FBXO8: variants seen among roughly 807,000 people sequenced by gnomAD.
The protein encoded by FBXO8 is F-box only protein 8.
In FBXO8, 15 loss-of-function variants were observed where a neutral mutation model predicts 33.4. The observed-to-expected ratio is 0.45, with a 90% confidence interval of 0.30 to 0.69. The LOEUF (loss-of-function observed/expected upper bound fraction) is 0.69, where lower values mean the gene tolerates loss of function less well. Ranked by LOEUF, FBXO8 falls within the 30% of genes least tolerant of loss-of-function variation. The pLI, the probability that FBXO8 is intolerant of heterozygous loss-of-function variation, is 0.08. For synonymous variants in FBXO8, 132 were observed against 131.5 expected (o/e 1.00, Z -0.02); for missense variants, 274 against 380.3 (o/e 0.72, Z 2.32).
At chr4:174,243,390 G>T (rs915133386) in intron 3 of FBXO8, among the ~76,000 whole-genome samples, 1 of 150,946 alleles carries the variant, frequency 6.6e-6, no homozygotes, top group Admixed American at 6.6e-5. Context: ...ACTTTAGAAG[G>T]GCTACCAAAG....
rs566493322 is a variant in FBXO8, at chr4:174,240,199, CTAGG to C, written c.575+897_575+900del. ...GAAAGAAAAAAACCCCTGCCTATCCCTAGGTACTTGGCACTTAAAGACAAAAAAA... is the reference window on the plus strand; with the variant it reads ...GAAAGAAAAAAACCCCTGCCTATCCCTACTTGGCACTTAAAGACAAAAAAA... On this transcript the variant is annotated intron_variant, in intron 4 of 5. Transcript: ENST00000393674. Among the ~76,000 whole-genome samples, 535 of 150,930 alleles carry C rather than the reference CTAGG, an allele frequency of 3.5e-3. 2 individuals are homozygous for C. Among genetic ancestry groups the C allele is most frequent in the Middle Eastern group, 0.014 (4 of 292 alleles).
intron 1 of FBXO8, among the ~76,000 whole-genome samples, chr4:174,268,563 A>C (rs1017827369): frequency 6.6e-6 from 1 of 151,900 alleles, no homozygotes; most frequent in Non-Finnish European, 1.5e-5. Context: ...CAGCCTCCAG[A>C]GTGCTGGGAC....
At position 174,236,767 on chromosome 4, in the gene FBXO8, C is replaced by A. The variant is rs989194642; in HGVS notation, c.*645G>T. On this transcript the variant is annotated 3_prime_UTR_variant, in exon 6 of 6. Transcript: ENST00000393674. ...AAAGGACTTACCGAGACTTGATTAACCCAGTTTTTAAAATAAAAAATCAAA... is the reference window on the plus strand; with the variant it reads ...AAAGGACTTACCGAGACTTGATTAAACCAGTTTTTAAAATAAAAAATCAAA... 1.3e-5 allele frequency: 2 copies of A among 151,684 alleles called. No homozygotes were observed. Among genetic ancestry groups the A allele is most frequent in the Admixed American group, 6.6e-5 (1 of 15,246 alleles). 9.4% of individuals were successfully genotyped at this position (151,684 alleles called of 1,614,324 possible).
Position 174,247,175 on chromosome 4 carries a change from G to C in FBXO8, c.457-5957C>G, listed in dbSNP as rs150086320. ...ACTGATAATTGGTACTGAAAGTACT[G>C]TCTACTGCCACAGACACCTGGCACA... On this transcript the variant is annotated intron_variant, in intron 3 of 5. Transcript: ENST00000393674. This position sits in a 1 kb window ranked among gnomAD's most constrained non-coding sequence, Gnocchi z 4.6. 3.2e-3 allele frequency among the ~76,000 whole-genome samples: 494 copies of C among 152,160 alleles called. 3 individuals are homozygous for C. Among genetic ancestry groups the C allele is most frequent in the African/African-American group, 0.011 (466 of 41,550 alleles).
chr4:174,282,755 G>T (rs1474353925), intron 1 of FBXO8, among the ~76,000 whole-genome samples: 1 of 152,080 alleles, frequency 6.6e-6, no homozygotes, highest in Admixed American at 6.5e-5. Context: ...TGTAAAACAA[G>T]TAGAATCAAT....
chr4:174,268,491 G>A (rs1012824603), intron 1 of FBXO8, among the ~76,000 whole-genome samples: 19 of 152,242 alleles, frequency 1.2e-4, no homozygotes, highest in Admixed American at 8.5e-4. Context: ...GGAGTGCAGT[G>A]GCGCGATCTC....
rs1156684002 is a variant in FBXO8 at position 174,251,990 on chromosome 4, A to G, written c.456+7709T>C. Reference sequence around the variant, plus strand: ...AGAATTAGCAATGTTTATTTATGAAACAGGGTCTTGCTTTGTCACTCAGGC... The same window carrying G: ...AGAATTAGCAATGTTTATTTATGAAGCAGGGTCTTGCTTTGTCACTCAGGC... On this transcript the variant is annotated intron_variant, in intron 3 of 5. Coordinates refer to ENST00000393674, the MANE Select transcript of FBXO8 (RefSeq NM_012180.3). This position sits in a 1 kb window ranked among gnomAD's most constrained non-coding sequence, Gnocchi z 4.2. Among the ~76,000 whole-genome samples, 1 of 152,166 alleles carries G rather than the reference A, an allele frequency of 6.6e-6. No homozygotes were observed. Among genetic ancestry groups the G allele is most frequent in the African/African-American group, 2.4e-5 (1 of 41,422 alleles).
rs940814030 is a variant in FBXO8, at chr4:174,251,048, T to C, written c.456+8651A>G. Among the ~76,000 whole-genome samples, 1 of 152,150 alleles carries C rather than the reference T, an allele frequency of 6.6e-6. No homozygotes were observed. The highest frequency in any genetic ancestry group is 1.5e-5 in the Non-Finnish European group (1 of 68,018). On this transcript the variant is annotated intron_variant, in intron 3 of 5. Transcript: ENST00000393674. The surrounding 1 kb of genome is among the most constrained non-coding windows in gnomAD (Gnocchi z 4.2). The stretch of plus-strand genomic sequence containing the variant: ...ACTTAAAAAGCTCAATGTACCACTG[T>C]AAAGTCTCTAGTTACAATTACTTAA...
At position 174,254,170 on chromosome 4, in the gene FBXO8, G is replaced by A. The variant is rs886383517; in HGVS notation, c.456+5529C>T. ...CGAGCAGCATAATGAAGGGTGCTGAGAACTCAATTCTTCCTAGCTAGATCT... is the reference window on the plus strand; with the variant it reads ...CGAGCAGCATAATGAAGGGTGCTGAAAACTCAATTCTTCCTAGCTAGATCT... On this transcript the variant is annotated intron_variant, in intron 3 of 5. Transcript: ENST00000393674. This position sits in a 1 kb window ranked among gnomAD's most constrained non-coding sequence, Gnocchi z 4.2. Among the ~76,000 whole-genome samples, 6 of 152,174 alleles carry A rather than the reference G, an allele frequency of 3.9e-5. No individual in the cohort carries two copies. Among genetic ancestry groups the A allele is most frequent in the Non-Finnish European group, 8.8e-5 (6 of 68,018 alleles).
At chr4:174,239,254 A>C in intron 4 of FBXO8, 64 bp from the exon 5 acceptor site, 1 of 1,200,084 alleles carries the variant, frequency 8.3e-7, no homozygotes, top group Non-Finnish European at 1.1e-6. Context: ...TGGTAAGAAA[A>C]ATAACAAATT....
intron 1 of FBXO8, among the ~76,000 whole-genome samples, chr4:174,271,278 G>A (rs930494078): frequency 6.6e-6 from 1 of 152,206 alleles, no homozygotes; most frequent in Non-Finnish European, 1.5e-5. Flanking sequence ...GGAGAGGGAA[G>A]CAGAAGCTTA....
chr4:174,240,136 CAA>C (rs543054382), intron 4 of FBXO8, among the ~76,000 whole-genome samples: 4 of 49,406 alleles, frequency 8.1e-5, no homozygotes, highest in Non-Finnish European at 9.1e-5. Context: ...AAAATATTTA[CAA>C]AAAAAAAAAA....
chr4:174,264,840 C>T (rs961758982), intron 1 of FBXO8, among the ~76,000 whole-genome samples: 2 of 148,754 alleles, frequency 1.3e-5, no homozygotes, highest in Non-Finnish European at 3.0e-5. Flanking sequence ...AGACAAGCCA[C>T]GGACCAGGAG....
chr4:174,279,812 G>A (rs1290263544), intron 1 of FBXO8, among the ~76,000 whole-genome samples: 2 of 152,016 alleles, frequency 1.3e-5, no homozygotes, highest in Non-Finnish European at 2.9e-5. Context: ...GAATGAGGTT[G>A]GAACCTTACC....
intron 1 of FBXO8, among the ~76,000 whole-genome samples, chr4:174,280,369 T>C (rs1260826559): frequency 6.6e-6 from 1 of 152,106 alleles, no homozygotes; most frequent in East Asian, 1.9e-4. Flanking sequence ...GGAACCCTTA[T>C]GTATTGTTAA....
Position 174,263,464 on chromosome 4 carries a change from A to T in FBXO8, c.-8-364T>A. ...TGGGCCAGTATTAAATACAGCTCTG[A>T]TCAGAGCACGGACTTTAGTTAAAAG... On this transcript the variant is annotated intron_variant, in intron 1 of 5. Coordinates refer to ENST00000393674, the MANE Select transcript of FBXO8 (RefSeq NM_012180.3). This position sits in a 1 kb window ranked among gnomAD's most constrained non-coding sequence, Gnocchi z 4.2. Among the ~76,000 whole-genome samples the T allele has an allele frequency of 6.6e-6, 1 of 152,152 alleles. No homozygotes were observed. The highest frequency in any genetic ancestry group is 1.9e-4 in the East Asian group (1 of 5,186).
rs950984481 is a variant in FBXO8 at position 174,267,285 on chromosome 4, T to C, written c.-8-4185A>G. On this transcript the variant is annotated intron_variant, in intron 1 of 5. Coordinates refer to ENST00000393674, the MANE Select transcript of FBXO8 (RefSeq NM_012180.3). The surrounding 1 kb of genome is among the most constrained non-coding windows in gnomAD (Gnocchi z 4.7). ...AGATGTGGCTAGGTATGGTGACTCA[T>C]GTCTGTAATCCCAGCACTTTTCGAG... Among the ~76,000 whole-genome samples, 2 of 152,186 alleles carry C rather than the reference T, an allele frequency of 1.3e-5. No homozygotes were observed. The highest frequency in any genetic ancestry group is 1.9e-4 in the East Asian group (1 of 5,190).
In FBXO8 at chr4:174,252,676, C is replaced by CACACAT. The variant is rs35890245; in HGVS notation, c.456+7022_456+7023insATGTGT. On this transcript the variant is annotated intron_variant, in intron 3 of 5. Coordinates refer to ENST00000393674, the MANE Select transcript of FBXO8 (RefSeq NM_012180.3). This position sits in a 1 kb window ranked among gnomAD's most constrained non-coding sequence, Gnocchi z 5.1. ...ATGCACACACACACACACACACACA[C>CACACAT]GCACAGACAATACTACCTCTTTGTG... Among the ~76,000 whole-genome samples the CACACAT allele has an allele frequency of 1.2e-3, 179 of 151,512 alleles. 1 individual carries two copies. Among genetic ancestry groups the CACACAT allele is most frequent in the South Asian group, 1.5e-3 (7 of 4,806 alleles).
intron 1 of FBXO8, among the ~76,000 whole-genome samples, chr4:174,279,748 G>T (rs532277916): frequency 6.6e-6 from 1 of 152,042 alleles, no homozygotes; most frequent in Admixed American, 6.6e-5. Flanking sequence ...TTTAATGGGG[G>T]AAAGGACAGT....
Sources: gnomAD v4.1 joint callset for allele counts (sites outside exome capture counted in the v4.1 genomes callset) on GRCh38, gnomAD v4.1.1 for gene constraint, Gnocchi (gnomAD v3.1) non-coding constraint, MANE v1.5 for transcripts, NCBI Gene and HGNC (gene_info 2026-07-23, HGNC 2026-07-21) for gene names.